The following TFEB variants were observed in gnomAD, a reference collection of about 807,000 sequenced individuals.
The protein encoded by TFEB is T-cell transcription factor EB.
Under a neutral mutation model 48.0 loss-of-function variants are expected in TFEB, and 12 were observed. The ratio of observed to expected loss-of-function variants is 0.25; its 90% CI spans 0.16 to 0.40. TFEB has a LOEUF of 0.40. Among genes scored for constraint, TFEB ranks in the 10% least tolerant of loss-of-function variants. The pLI, the probability that TFEB is intolerant of heterozygous loss-of-function variation, is 1.00. For missense variants in TFEB, 509 were observed against 640.3 expected (o/e 0.79, Z 2.21); for synonymous variants, 244 against 261.4 (o/e 0.93, Z 0.64).
At chr6:41,712,771 T>C (rs1037569176) in intron 1 of TFEB, among the ~76,000 whole-genome samples, 1 of 151,642 alleles carries the variant, frequency 6.6e-6, no homozygotes, top group Non-Finnish European at 1.5e-5. Context: ...TACTCTGGAG[T>C]GGAGCTGGGC....
Position 41,723,598 on chromosome 6 carries a change from C to A in TFEB, c.-23+11752G>T. 1.7e-6 allele frequency: 2 copies of A among 1,184,548 alleles called. No individual in the cohort carries two copies. Among genetic ancestry groups the A allele is most frequent in the South Asian group, 1.4e-5 (1 of 69,802 alleles). 73.4% of individuals were successfully genotyped at this position (1,184,548 alleles called of 1,614,324 possible). A position where few individuals can be genotyped will look rare whatever the true frequency, so the allele number is the denominator to read the frequency against. On this transcript the variant is annotated intron_variant, in intron 1 of 8. Transcript: ENST00000373033. This position sits in a 1 kb window ranked among gnomAD's most constrained non-coding sequence, Gnocchi z 6.0. ...CCGGCGGCTGCTGTTTCTCACCCAG[C>A]CCCCTGCACCTCAGCTGGAGAGGAA...
chr6:41,687,401 T>A (rs1769067760), intron 6 of TFEB, among the ~76,000 whole-genome samples: 1 of 152,246 alleles, frequency 6.6e-6, no homozygotes, highest in African/African-American at 2.4e-5. Flanking sequence ...GCCATGGTGA[T>A]GCTCGTAGCA....
chr6:41,729,997 A>G (rs1771384993), intron 1 of TFEB, among the ~76,000 whole-genome samples: 1 of 152,206 alleles, frequency 6.6e-6, no homozygotes, highest in African/African-American at 2.4e-5. Context: ...TCTAGACCAC[A>G]TGGAATTTGC....
At chr6:41,717,160 G>A (rs1256869168) in intron 1 of TFEB, among the ~76,000 whole-genome samples, 1 of 152,170 alleles carries the variant, frequency 6.6e-6, no homozygotes, top group African/African-American at 2.4e-5. Context: ...TTCATTTCAT[G>A]TCTCACCTGT....
At chr6:41,732,952 C>T (rs1467319258) in intron 1 of TFEB, 1 of 985,480 alleles carries the variant, frequency 1.0e-6, no homozygotes, top group Non-Finnish European at 1.2e-6. Flanking sequence ...GTTGGGGAAA[C>T]CCCTGTTGCC....
intron 4 of TFEB, 45 bp downstream of exon 4, chr6:41,689,686 C>T (rs745553060): frequency 2.0e-5 from 30 of 1,518,176 alleles, no homozygotes; most frequent in Non-Finnish European, 1.8e-6. Context: ...GGGTGCCCCC[C>T]TCCCTAGAAC....
chr6:41,687,997 T>G lies in TFEB; in HGVS notation c.581A>C (p.Tyr194Ser), dbSNP rs909431482. 6.2e-7 allele frequency: 1 copy of G among 1,613,318 alleles called. No homozygotes were observed. The highest frequency in any genetic ancestry group is 1.3e-5 in the African/African-American group (1 of 74,886). Reference protein sequence around the residue: ...LPLSSSHLNVYSSDPQVTASL... With the variant: ...LPLSSSHLNVSSSDPQVTASL... ...GGCTGTGACCTGGGGGTCGCTGCTG[T>G]ACACATTCAGGTGGCTGCTGGACAG... is the stretch of plus-strand genomic sequence containing the variant. The change falls in exon 5 of 9, where the codon TAC (tyrosine) becomes TCC (serine). Residue 194 changes from tyrosine to serine, a missense_variant. Around this residue, in one of 4 missense-constraint regions of TFEB, gnomAD observed 251 missense variants for 317.2 expected, o/e 0.79. Transcript: ENST00000373033.
At chr6:41,685,113 C>G (rs777312451) in intron 8 of TFEB, 35 bp from the exon 9 acceptor site, 37 of 1,399,622 alleles carry the variant, frequency 2.6e-5, no homozygotes, top group Non-Finnish European at 3.4e-5. Flanking sequence ...GGGGAACACA[C>G]CTATGGGCAC....
chr6:41,688,218 C>T lies in TFEB; in HGVS notation c.550-190G>A, dbSNP rs577109253. ...CCAGAGCTATTATAAGATGTAGTCC[C>T]TGCCCTCAAGGAGCCCCTGGCCTAG... On this transcript the variant is annotated intron_variant, in intron 4 of 8. Transcript: ENST00000373033. 22 of 627,128 alleles carry T rather than the reference C, an allele frequency of 3.5e-5. No homozygotes were observed. The South Asian group carries it at 6.0e-4, about 17-fold the overall frequency. The allele number at this position is 627,128 out of a possible 1,614,324, so 38.8% of individuals were successfully genotyped here.
intron 1 of TFEB, among the ~76,000 whole-genome samples, chr6:41,726,675 G>A (rs568495434): frequency 1.3e-5 from 2 of 152,246 alleles, no homozygotes; most frequent in African/African-American, 2.4e-5. Context: ...CCCTGACCTC[G>A]TGATCTGCCT....
chr6:41,687,239 C>T, intron 6 of TFEB, 70 bp from the exon 7 acceptor site: 1 of 1,509,172 alleles, frequency 6.6e-7, no homozygotes. Flanking sequence ...GGAGAAGTAC[C>T]CAGCCCAGGG....
intron 1 of TFEB, among the ~76,000 whole-genome samples, chr6:41,718,633 C>A (rs528132701): frequency 1.3e-3 from 193 of 152,014 alleles, no homozygotes; most frequent in Non-Finnish European, 2.4e-3. Flanking sequence ...AGGTTTTGTA[C>A]CCTTTGACTA....
Position 41,690,619 on chromosome 6 carries a change from C to T in TFEB, c.468+44G>A, listed in dbSNP as rs187098420. On this transcript the variant is annotated intron_variant, in intron 3 of 8. Coordinates refer to ENST00000373033, the MANE Select transcript of TFEB (RefSeq NM_001271944.2). ...AGTCTCAGAAGCACAGCAGTGGGCA[C>T]GAGCTCTGCAAGCAGCATGGCCACT... is the stretch of plus-strand genomic sequence containing the variant. 1.8e-4 allele frequency: 262 copies of T among 1,483,114 alleles called. 1 individual carries two copies. The highest frequency in any genetic ancestry group is 5.2e-4 in the South Asian group (37 of 70,648). 91.9% of individuals were successfully genotyped at this position (1,483,114 alleles called of 1,614,324 possible). A position where few individuals can be genotyped will look rare whatever the true frequency, so the allele number is the denominator to read the frequency against.
At chr6:41,685,117 T>C (rs1400555317) in intron 8 of TFEB, 39 bp from the exon 9 acceptor site, 1 of 1,395,808 alleles carries the variant, frequency 7.2e-7, no homozygotes, top group Admixed American at 3.4e-5. Context: ...AACACACCTA[T>C]GGGCACCAGC....
Position 41,735,335 on chromosome 6 carries a change from C to A in TFEB, c.-23+15G>T, listed in dbSNP as rs1173719205. 8.1e-6 allele frequency: 8 copies of A among 984,976 alleles called. No homozygotes were observed. Among genetic ancestry groups the A allele is most frequent in the Non-Finnish European group, 8.4e-6 (7 of 829,906 alleles). The allele number at this position is 984,976 out of a possible 1,614,324, so 61.0% of individuals were successfully genotyped here. A position where few individuals can be genotyped will look rare whatever the true frequency, so the allele number is the denominator to read the frequency against. ...CGGGCCCTCCTCGTGCCTCTCGCTC[C>A]CCGGTCCCGCTCACCTCGCTCTGAA... On this transcript the variant is annotated intron_variant, in intron 1 of 8. Coordinates refer to ENST00000373033, the MANE Select transcript of TFEB (RefSeq NM_001271944.2).
chr6:41,692,547 G>GCC (rs1230908950), intron 1 of TFEB, among the ~76,000 whole-genome samples: 6 of 152,168 alleles, frequency 3.9e-5, no homozygotes, highest in African/African-American at 1.4e-4. Context: ...TGTGACTTAA[G>GCC]CCCCCCAGCC....
chr6:41,694,438 A>G (rs750838213), intron 1 of TFEB, among the ~76,000 whole-genome samples: 36 of 152,156 alleles, frequency 2.4e-4, no homozygotes, highest in Middle Eastern at 6.8e-3. Flanking sequence ...CACACCCACA[A>G]AGCTTGTCCT....
intron 1 of TFEB, among the ~76,000 whole-genome samples, chr6:41,721,372 T>C (rs982301730): frequency 1.2e-4 from 18 of 144,790 alleles, no homozygotes; most frequent in South Asian, 4.4e-4. Flanking sequence ...TAGGCACACA[T>C]ACACACACAC....
chr6:41,703,296 C>T (rs969431482), intron 1 of TFEB, among the ~76,000 whole-genome samples: 3 of 152,228 alleles, frequency 2.0e-5, no homozygotes, highest in African/African-American at 7.2e-5. Flanking sequence ...AACCCAGCCG[C>T]AGGCCCAGGA....
Sources: allele counts gnomAD v4.1 joint callset (sites outside exome capture counted in the v4.1 genomes callset), GRCh38; gene constraint gnomAD v4.1.1; regional missense constraint gnomAD v4.1.1; non-coding constraint Gnocchi (gnomAD v3.1); transcripts MANE v1.5; gene names NCBI Gene and HGNC (gene_info 2026-07-23, HGNC 2026-07-21).